Variants in SRFBP1 observed in about 807,000 individuals in gnomAD.
SRFBP1 encodes the protein serum response factor-binding protein 1.
In SRFBP1, 47 loss-of-function variants were observed where a neutral mutation model predicts 45.5. That is an observed-to-expected ratio of 1.03 (90% CI 0.82 to 1.32). The LOEUF is 1.32. Among genes scored for constraint, SRFBP1 ranks in the 40% most tolerant of loss-of-function variants. SRFBP1 has a pLI of 0.00. For synonymous variants in SRFBP1, 203 were observed against 166.3 expected, an observed-to-expected ratio of 1.22 and a Z score of -1.70; for missense variants, 621 against 484.6, an observed-to-expected ratio of 1.28 and a Z score of -2.64.
rs1318989120 is a variant in SRFBP1, at chr5:121,995,684, G to C, written c.270+1014G>C. On this transcript the variant is annotated intron_variant, in intron 4 of 7. Coordinates refer to ENST00000339397, the MANE Select transcript of SRFBP1 (RefSeq NM_152546.3). ...AATCAGAGCAGAACTCAAGGAAATAGAGACACAAAAAACCCTTCAAAAAAT... is the reference window on the plus strand; with the variant it reads ...AATCAGAGCAGAACTCAAGGAAATACAGACACAAAAAACCCTTCAAAAAAT... 2.0e-5 allele frequency among the ~76,000 whole-genome samples: 3 copies of C among 152,050 alleles called. No individual in the cohort carries two copies. The East Asian group carries it at 5.8e-4, about 29-fold the overall frequency.
At chr5:122,074,091 G>A in intron 2 of SRFBP1, 1 of 1,614,116 alleles carries the variant, frequency 6.2e-7, no homozygotes, top group Non-Finnish European at 8.5e-7. Flanking sequence ...AACTTGCTTT[G>A]TGGCCTTCAG....
chr5:122,009,197 T>A (rs1168934451), intron 4 of SRFBP1, among the ~76,000 whole-genome samples: 1 of 152,224 alleles, frequency 6.6e-6, no homozygotes, highest in Non-Finnish European at 1.5e-5. Context: ...TATCCACTTT[T>A]ATGTAGCGCC....
downstream of SRFBP1, chr5:122,077,787 G>C (rs1459778601): frequency 4.5e-6 from 7 of 1,550,054 alleles, no homozygotes; most frequent in South Asian, 4.7e-5. The surrounding 1 kb of genome is among the most constrained non-coding windows in gnomAD (Gnocchi z 4.9). Context: ...CGGCGGCGCT[G>C]AGGCTGGTAC....
intron 1 of SRFBP1, among the ~76,000 whole-genome samples, chr5:121,972,126 A>G (rs988351344): frequency 7.9e-5 from 12 of 152,012 alleles, no homozygotes; most frequent in Non-Finnish European, 1.8e-4. Context: ...ATGCATTAAA[A>G]GGAAGAGAAT....
chr5:122,048,778 G>T (rs1259926845), intron 2 of SRFBP1, among the ~76,000 whole-genome samples: 5 of 152,132 alleles, frequency 3.3e-5, no homozygotes, highest in African/African-American at 4.8e-5. Context: ...TCTTGGGAGG[G>T]TATATGTGTC....
At chr5:121,966,894 C>T (rs1284973186) in intron 1 of SRFBP1, among the ~76,000 whole-genome samples, 1 of 151,434 alleles carries the variant, frequency 6.6e-6, no homozygotes, top group Admixed American at 6.6e-5. Context: ...ATTCTTCTGC[C>T]TCAGCCTCCC....
rs777953395 is a variant in SRFBP1, at chr5:121,961,994, C to T, written c.-39C>T. 4 of 1,613,566 alleles carry T rather than the reference C, an allele frequency of 2.5e-6. No individual in the cohort carries two copies. Among genetic ancestry groups the T allele is most frequent in the Non-Finnish European group, 3.4e-6 (4 of 1,179,906 alleles). On this transcript the variant is annotated 5_prime_UTR_variant, in exon 1 of 8. Coordinates refer to ENST00000339397, the MANE Select transcript of SRFBP1 (RefSeq NM_152546.3). ...GCAGCCGCGGTCTGAGAGACCGGTTCACGTGCAGGCAGCGGCGGATCATAT... is the reference window on the plus strand; with the variant it reads ...GCAGCCGCGGTCTGAGAGACCGGTTTACGTGCAGGCAGCGGCGGATCATAT...
chr5:122,051,994 C>T (rs1297356591), intron 2 of SRFBP1, among the ~76,000 whole-genome samples: 1 of 152,138 alleles, frequency 6.6e-6, no homozygotes, highest in African/African-American at 2.4e-5. Context: ...TCTTATTTCT[C>T]CTCCACTCAT....
chr5:122,020,051 C>A, intron 5 of SRFBP1, 37 bp from the exon 6 acceptor site: 1 of 1,367,734 alleles, frequency 7.3e-7, no homozygotes, highest in South Asian at 1.5e-5. Context: ...TTATATGTTT[C>A]AGTGCTAAAA....
intron 2 of SRFBP1, among the ~76,000 whole-genome samples, chr5:122,067,305 G>GA (rs535456510): frequency 0.13 from 18,517 of 146,142 alleles, 1,201 homozygotes; most frequent in South Asian, 0.15. Context: ...TCTGTGAGGA[G>GA]AAAAAAAAAA....
chr5:121,998,661 A>AG (rs1752787724), intron 4 of SRFBP1, among the ~76,000 whole-genome samples: 2 of 23,038 alleles, frequency 8.7e-5, no homozygotes, highest in Non-Finnish European at 2.4e-4. Flanking sequence ...AACTTAAAGT[A>AG]TAAAAAAAAA....
At chr5:122,056,701 C>A (rs934581413) in intron 2 of SRFBP1, among the ~76,000 whole-genome samples, 1 of 152,148 alleles carries the variant, frequency 6.6e-6, no homozygotes, top group African/African-American at 2.4e-5. Flanking sequence ...CCAAGTAACA[C>A]TTTGTCTTGT....
At position 122,051,011 on chromosome 5, in the gene SRFBP1, CA is replaced by C. The variant is rs576359786; in HGVS notation, n.312-24301del. On this transcript the variant is annotated intron_variant and non_coding_transcript_variant, in intron 2 of 2. Transcript: ENST00000504881. Reference sequence around the variant, plus strand: ...TGCTGCCTTAATTTCATTGTTTCCCCAAACATTATTCAGGAGCAGGTTATTT... The same window carrying C: ...TGCTGCCTTAATTTCATTGTTTCCCCAACATTATTCAGGAGCAGGTTATTT... Among the ~76,000 whole-genome samples the C allele has an allele frequency of 1.8e-3, 274 of 152,204 alleles. 2 individuals carry two copies. Among genetic ancestry groups the C allele is most frequent in the African/African-American group, 6.2e-3 (258 of 41,534 alleles).
intron 2 of SRFBP1, among the ~76,000 whole-genome samples, chr5:122,041,026 G>T (rs1753764356): frequency 6.6e-6 from 1 of 152,134 alleles, no homozygotes; most frequent in African/African-American, 2.4e-5. Flanking sequence ...TTTGAACAGT[G>T]GTTGATACAT....
chr5:121,976,911 C>T (rs561792049), intron 3 of SRFBP1, among the ~76,000 whole-genome samples: 7 of 151,264 alleles, frequency 4.6e-5, no homozygotes, highest in Non-Finnish European at 1.0e-4. Context: ...TACATTCTTT[C>T]CATGGTTTGT....
intron 2 of SRFBP1, among the ~76,000 whole-genome samples, chr5:122,055,926 GT>G (rs1291294822): frequency 6.6e-6 from 1 of 152,058 alleles, no homozygotes; most frequent in African/African-American, 2.4e-5. Context: ...TTCCTGTTTG[GT>G]CAAGGAGTAA....
intron 3 of SRFBP1, among the ~76,000 whole-genome samples, chr5:121,985,875 A>G (rs1418069125): frequency 1.3e-5 from 2 of 151,910 alleles, no homozygotes; most frequent in East Asian, 3.9e-4. Context: ...TTAGTAGATT[A>G]TGTACTGTGG....
chr5:122,076,732 T>C (rs905067693), downstream of SRFBP1, among the ~76,000 whole-genome samples: 3 of 152,068 alleles, frequency 2.0e-5, no homozygotes, highest in African/African-American at 7.2e-5. Flanking sequence ...ATATTAACTC[T>C]CCGTCCAGGT....
At chr5:121,976,193 T>C (rs755019742) in intron 3 of SRFBP1, among the ~76,000 whole-genome samples, 1 of 152,028 alleles carries the variant, frequency 6.6e-6, no homozygotes, top group Non-Finnish European at 1.5e-5. Flanking sequence ...TTTAAACGGA[T>C]AGTAAAGTGT....
Sources: allele counts gnomAD v4.1 joint callset (sites outside exome capture counted in the v4.1 genomes callset), GRCh38; gene constraint gnomAD v4.1.1; non-coding constraint Gnocchi (gnomAD v3.1); transcripts MANE v1.5; gene names NCBI Gene and HGNC (gene_info 2026-07-23, HGNC 2026-07-21).